The following CLVS1 variants were observed in gnomAD, a reference collection of about 807,000 sequenced individuals.
CLVS1 encodes the protein clavesin-1.
A neutral mutation model predicts 33.1 loss-of-function variants in CLVS1; 10 were observed. The observed-to-expected ratio is 0.30, with a 90% confidence interval of 0.19 to 0.51. The LOEUF (loss-of-function observed/expected upper bound fraction) is 0.51. Ranked by LOEUF, CLVS1 falls within the 20% of genes least tolerant of loss-of-function variation. The pLI is 0.97. For missense variants in CLVS1, 343 were observed against 433.4 expected, an observed-to-expected ratio of 0.79 and a Z score of 1.85; for synonymous variants, 163 against 166.1, an observed-to-expected ratio of 0.98 and a Z score of 0.14.
At chr8:61,138,376 T>C (rs1230757524) in intron 2 of CLVS1, among the ~76,000 whole-genome samples, 1 of 152,254 alleles carries the variant, frequency 6.6e-6, no homozygotes, top group Non-Finnish European at 1.5e-5. Context: ...TGTGGCCTGC[T>C]AATTTTATCC....
chr8:61,208,598 CT>C (rs1182455336), intron 2 of CLVS1, among the ~76,000 whole-genome samples: 2 of 149,234 alleles, frequency 1.3e-5, no homozygotes, highest in East Asian at 2.0e-4. Flanking sequence ...ATTTTTTTTT[CT>C]TTTTTTTTGA....
chr8:61,417,572 G>A (rs753212820), intron 3 of CLVS1, among the ~76,000 whole-genome samples: 2 of 152,130 alleles, frequency 1.3e-5, no homozygotes, highest in Admixed American at 6.5e-5. Context: ...TTTTCAAAGA[G>A]CCTTCCATGG....
intron 2 of CLVS1, among the ~76,000 whole-genome samples, chr8:61,328,785 G>GT (rs796698353): frequency 3.4e-4 from 51 of 152,216 alleles, no homozygotes; most frequent in African/African-American, 1.2e-3. Context: ...GCAAAGATTT[G>GT]TCTTTTGTTA....
rs528194911 is a variant in CLVS1 at position 61,350,323 on chromosome 8, G to T, written c.456-26282G>T. On this transcript the variant is annotated intron_variant, in intron 2 of 5. Coordinates refer to ENST00000325897, the MANE Select transcript of CLVS1 (RefSeq NM_173519.3). ...TCATTGCTGACTTCTCTTTCCAGAG[G>T]TCTAGTTAGCGTCTCTCACCCAATA... Among the ~76,000 whole-genome samples the T allele has an allele frequency of 2.6e-5, 4 of 152,210 alleles. No homozygotes were observed. The South Asian group carries it at 8.3e-4, about 32-fold the overall frequency.
the CLVS1 span, among the ~76,000 whole-genome samples, chr8:60,999,175 G>T: frequency 2.6e-5 from 4 of 152,306 alleles, no homozygotes; most frequent in African/African-American, 4.8e-5. Flanking sequence ...GCTCTAAGAC[G>T]GAGCAAGACT....
At chr8:61,434,894 T>A (rs1421737564) in intron 3 of CLVS1, among the ~76,000 whole-genome samples, 1 of 152,230 alleles carries the variant, frequency 6.6e-6, no homozygotes, top group East Asian at 1.9e-4. Context: ...CTATAGAATG[T>A]GGATTTTTCC....
chr8:61,131,723 G>T (rs1380347638), intron 1 of CLVS1: 2 of 151,366 alleles, frequency 1.3e-5, no homozygotes, highest in African/African-American at 2.4e-5. Context: ...ATTTAAGTGA[G>T]TGCTGTTTTT....
At chr8:61,068,246 T>C (rs1804723312) in intron 1 of CLVS1, among the ~76,000 whole-genome samples, 1 of 146,754 alleles carries the variant, frequency 6.8e-6, no homozygotes, top group African/African-American at 2.5e-5. Context: ...TATATATATA[T>C]ATGTATATAT....
At chr8:61,244,787 C>G (rs1323532670) in intron 2 of CLVS1, among the ~76,000 whole-genome samples, 2 of 152,008 alleles carry the variant, frequency 1.3e-5, no homozygotes, top group Non-Finnish European at 2.9e-5. Flanking sequence ...TTTCTGTAAA[C>G]CTAAAACTGC....
the CLVS1 span, among the ~76,000 whole-genome samples, chr8:61,025,315 T>C: frequency 2.0e-5 from 3 of 152,350 alleles, no homozygotes; most frequent in African/African-American, 7.2e-5. Flanking sequence ...ACACAATTTA[T>C]ATTTATTTTG....
chr8:61,056,322 T>A (rs1367283238), upstream of CLVS1, among the ~76,000 whole-genome samples: 1 of 152,212 alleles, frequency 6.6e-6, no homozygotes, highest in Non-Finnish European at 1.5e-5. Flanking sequence ...GCTATTCAGT[T>A]TTGCTTCTCT....
At chr8:61,489,527 G>T (rs1803996180) in intron 5 of CLVS1, among the ~76,000 whole-genome samples, 1 of 152,156 alleles carries the variant, frequency 6.6e-6, no homozygotes, top group Non-Finnish European at 1.5e-5. Flanking sequence ...TTGATTGATT[G>T]ATTTGTTTTT....
intron 2 of CLVS1, among the ~76,000 whole-genome samples, chr8:61,347,252 A>C (rs1781370794): frequency 6.6e-6 from 1 of 152,120 alleles, no homozygotes; most frequent in Non-Finnish European, 1.5e-5. Context: ...TGCTTGTCAG[A>C]CTGCAAGGAG....
chr8:61,046,492 G>A, the CLVS1 span, among the ~76,000 whole-genome samples: 7 of 147,046 alleles, frequency 4.8e-5, no homozygotes, highest in South Asian at 2.2e-4. Flanking sequence ...GGTTCCATAC[G>A]AACTTTAAAG....
the CLVS1 span, among the ~76,000 whole-genome samples, chr8:61,008,464 C>T: frequency 2.2e-5 from 3 of 135,042 alleles, no homozygotes; most frequent in African/African-American, 8.1e-5. Flanking sequence ...TGGGGATTTA[C>T]TTTTTTTTTT....
chr8:60,977,315 C>A, the CLVS1 span, among the ~76,000 whole-genome samples: 2 of 151,956 alleles, frequency 1.3e-5, no homozygotes, highest in Non-Finnish European at 1.5e-5. Flanking sequence ...GGTTCATTCA[C>A]AGGAAAAAAA....
intron 2 of CLVS1, among the ~76,000 whole-genome samples, chr8:61,213,256 T>G (rs1362230615): frequency 6.7e-6 from 1 of 149,460 alleles, no homozygotes; most frequent in African/African-American, 2.5e-5. Flanking sequence ...TCTCATGTTC[T>G]AAGCATTCCT....
intron 3 of CLVS1, among the ~76,000 whole-genome samples, chr8:61,396,967 G>T (rs925255248): frequency 6.6e-6 from 1 of 152,028 alleles, no homozygotes; most frequent in Non-Finnish European, 1.5e-5. Context: ...TTCCACTGCA[G>T]GCTATCATGA....
chr8:61,491,054 A>G (rs550629543), intron 5 of CLVS1, among the ~76,000 whole-genome samples: 1 of 152,250 alleles, frequency 6.6e-6, no homozygotes, highest in Non-Finnish European at 1.5e-5. Flanking sequence ...GGAAAGGCCA[A>G]ACTTCTGTAA....
Sources: gnomAD v4.1 joint callset for allele counts (sites outside exome capture counted in the v4.1 genomes callset) on GRCh38, gnomAD v4.1.1 for gene constraint, MANE v1.5 for transcripts, NCBI Gene and HGNC (gene_info 2026-07-23, HGNC 2026-07-21) for gene names.